Variants in CACHD1 observed in about 807,000 individuals in gnomAD.
CACHD1 encodes the protein VWFA and cache domain-containing protein 1.
Under a neutral mutation model 138.7 loss-of-function variants are expected in CACHD1, and 71 were observed. The observed-to-expected ratio is 0.51, with a 90% CI of 0.42 to 0.62. The LOEUF (loss-of-function observed/expected upper bound fraction) is 0.62. Among genes scored for constraint, CACHD1 ranks in the 20% least tolerant of loss-of-function variants. The probability of loss-of-function intolerance (pLI) is 0.00; values close to 1 mark genes in which losing one functional copy is unlikely to be tolerated. For missense variants in CACHD1, 1,389 were observed against 1,625.3 expected (o/e 0.85, Z 2.50); for synonymous variants, 578 against 591.5 (o/e 0.98, Z 0.33).
At chr1:64,600,193 T>C (rs1647198822) in intron 3 of CACHD1, among the ~76,000 whole-genome samples, 1 of 152,108 alleles carries the variant, frequency 6.6e-6, no homozygotes, top group Non-Finnish European at 1.5e-5. Context: ...CTAAATCCAA[T>C]CAGAAGATCC....
chr1:64,482,112 T>A (rs1363682511), intron 1 of CACHD1, among the ~76,000 whole-genome samples: 2 of 152,192 alleles, frequency 1.3e-5, no homozygotes, highest in East Asian at 1.9e-4. Context: ...TGGTAGCATA[T>A]GTCTGTGTAT....
intron 1 of CACHD1, among the ~76,000 whole-genome samples, chr1:64,489,381 C>T (rs1167860625): frequency 6.6e-6 from 1 of 152,090 alleles, no homozygotes; most frequent in African/African-American, 2.4e-5. Context: ...TTAAGTAGTG[C>T]AGAGACCTTC....
intron 9 of CACHD1, among the ~76,000 whole-genome samples, chr1:64,648,490 G>A (rs1476639284): frequency 6.6e-6 from 1 of 152,040 alleles, no homozygotes; most frequent in Non-Finnish European, 1.5e-5. Flanking sequence ...TGTAAAATGG[G>A]ATAGTAAATC....
intron 2 of CACHD1, among the ~76,000 whole-genome samples, chr1:64,578,938 C>T (rs1646990256): frequency 6.6e-6 from 1 of 152,120 alleles, no homozygotes; most frequent in Non-Finnish European, 1.5e-5. Context: ...ACCCCACCTG[C>T]CAAAGGGTAG....
chr1:64,686,021 A>G (rs1650360266), intron 26 of CACHD1, among the ~76,000 whole-genome samples: 1 of 152,172 alleles, frequency 6.6e-6, no homozygotes, highest in South Asian at 2.1e-4. Context: ...CATATGCTTG[A>G]TAAAAGGTGG....
At chr1:64,598,253 T>G (rs1408813087) in intron 3 of CACHD1, among the ~76,000 whole-genome samples, 3 of 152,156 alleles carry the variant, frequency 2.0e-5, no homozygotes, top group African/African-American at 4.8e-5. Flanking sequence ...GACACCTCCT[T>G]CTTTATCTGA....
At chr1:64,673,118 C>T in intron 17 of CACHD1, 40 bp from the exon 18 acceptor site, 1 of 1,246,072 alleles carries the variant, frequency 8.0e-7, no homozygotes, top group Non-Finnish European at 1.1e-6. Context: ...AAAAAAAAAA[C>T]AGCTGATATG....
chr1:64,595,897 A>G lies in CACHD1; in HGVS notation c.411-6909A>G, dbSNP rs79123343. Among the ~76,000 whole-genome samples, 1,092 of 152,326 alleles carry G rather than the reference A, an allele frequency of 7.2e-3. 16 individuals carry two copies. Among genetic ancestry groups the G allele is most frequent in the African/African-American group, 0.025 (1,030 of 41,558 alleles). ...TCTGAAAGCCTTACCTTCCAAGGGCATTTGAAACCAGCCCTTGTTTCCAAT... is the reference window on the plus strand; with the variant it reads ...TCTGAAAGCCTTACCTTCCAAGGGCGTTTGAAACCAGCCCTTGTTTCCAAT... On this transcript the variant is annotated intron_variant, in intron 3 of 26. Coordinates refer to ENST00000651257, the MANE Select transcript of CACHD1 (RefSeq NM_020925.4).
chr1:64,489,165 G>A lies in CACHD1; in HGVS notation c.198+18223G>A, dbSNP rs557748646. Reference sequence around the variant, plus strand: ...TGGCATTTTTAGACAGCCCACGAGTGGCCTGTAAACAATTACTATGCTTCA... The same window carrying A: ...TGGCATTTTTAGACAGCCCACGAGTAGCCTGTAAACAATTACTATGCTTCA... On this transcript the variant is annotated intron_variant, in intron 1 of 26. Coordinates refer to ENST00000651257, the MANE Select transcript of CACHD1 (RefSeq NM_020925.4). 2.6e-5 allele frequency among the ~76,000 whole-genome samples: 4 copies of A among 152,234 alleles called. No homozygotes were observed. In the South Asian group the frequency reaches 8.3e-4, roughly 32 times the overall value.
At chr1:64,474,124 C>G (rs1467619955) in intron 1 of CACHD1, among the ~76,000 whole-genome samples, 1 of 152,054 alleles carries the variant, frequency 6.6e-6, no homozygotes, top group Non-Finnish European at 1.5e-5. Flanking sequence ...CCAATTTTGC[C>G]AGTACTCTGG....
chr1:64,602,986 ATT>A (rs376759587), intron 4 of CACHD1, 74 bp downstream of exon 4: 17 of 730,506 alleles, frequency 2.3e-5, no homozygotes, highest in African/African-American at 1.9e-4. Context: ...TATTGCTTCA[ATT>A]TTTTTTTTTA....
rs1650555658 is a variant in CACHD1, at chr1:64,691,503, A to T, written c.3767A>T (p.His1256Leu). Residue 1256 changes from histidine to leucine, a missense_variant, in exon 27 of 27, where the codon CAT becomes CTT. Around this residue, in one of 5 missense-constraint regions of CACHD1, gnomAD observed 78 missense variants for 76.9 expected, o/e 1.01. Coordinates refer to ENST00000651257, the MANE Select transcript of CACHD1 (RefSeq NM_020925.4). The part of the protein sequence containing the change: ...HHYRSHHPTL[H>L]HSHHLQAAVT... ...TACCGGTCACACCACCCTACACTTC[A>T]TCATAGCCACCACTTACAGGCGGCC... 4 of 1,614,074 alleles carry T rather than the reference A, an allele frequency of 2.5e-6. No homozygotes were observed. Among genetic ancestry groups the T allele is most frequent in the Non-Finnish European group, 3.4e-6 (4 of 1,179,990 alleles).
intron 1 of CACHD1, among the ~76,000 whole-genome samples, chr1:64,521,364 C>A (rs1271841452): frequency 6.6e-6 from 1 of 152,194 alleles, no homozygotes; most frequent in South Asian, 2.1e-4. Context: ...AAAGAAAACT[C>A]TGCTTTTAAA....
chr1:64,471,034 C>T (rs995020715), intron 1 of CACHD1, 92 bp downstream of exon 1: 64 of 1,290,890 alleles, frequency 5.0e-5, no homozygotes, highest in Non-Finnish European at 6.6e-5. Flanking sequence ...GGACTGTGTG[C>T]ATCGGCTCCT....
At chr1:64,495,454 A>C (rs1050191364) in intron 1 of CACHD1, among the ~76,000 whole-genome samples, 2 of 152,180 alleles carry the variant, frequency 1.3e-5, no homozygotes, top group African/African-American at 4.8e-5. Context: ...TGTTGAAATA[A>C]ATGGCTACCA....
At chr1:64,546,265 AT>A (rs1171293673) in intron 1 of CACHD1, among the ~76,000 whole-genome samples, 1 of 152,144 alleles carries the variant, frequency 6.6e-6, no homozygotes, top group Admixed American at 6.6e-5. Flanking sequence ...CTGTGAGTAA[AT>A]CATCCAAGAG....
chr1:64,623,919 T>A (rs1648006545), intron 4 of CACHD1, among the ~76,000 whole-genome samples: 1 of 152,202 alleles, frequency 6.6e-6, no homozygotes, highest in African/African-American at 2.4e-5. Context: ...CCAACATTTC[T>A]GAGGAAAGAG....
intron 26 of CACHD1, among the ~76,000 whole-genome samples, chr1:64,684,951 A>G (rs1431772508): frequency 6.6e-6 from 1 of 152,164 alleles, no homozygotes; most frequent in African/African-American, 2.4e-5. Context: ...CTGGGATTAC[A>G]GGCACATGCC....
chr1:64,664,458 GT>G (rs1376128584), intron 14 of CACHD1, 39 bp from the exon 15 acceptor site: 3 of 1,597,508 alleles, frequency 1.9e-6, no homozygotes, highest in Admixed American at 1.7e-5. Flanking sequence ...TTTCATGTGA[GT>G]TTTAAAGGAT....
Sources: gnomAD v4.1 joint callset for allele counts (sites outside exome capture counted in the v4.1 genomes callset) on GRCh38, gnomAD v4.1.1 for gene constraint, gnomAD v4.1.1 regional missense constraint, MANE v1.5 for transcripts, NCBI Gene and HGNC (gene_info 2026-07-23, HGNC 2026-07-21) for gene names.